Variants in UBXN2B observed in about 807,000 individuals in gnomAD.
The protein encoded by UBXN2B is UBX domain protein 2B, also known as UBX domain-containing protein 2B.
A neutral mutation model predicts 37.5 loss-of-function variants in UBXN2B; 19 were observed. The ratio of observed to expected loss-of-function variants is 0.51; its 90% CI spans 0.35 to 0.74. The LOEUF (loss-of-function observed/expected upper bound fraction) is 0.74. Among genes scored for constraint, UBXN2B ranks in the 30% least tolerant of loss-of-function variants. The pLI is 0.01. For missense variants in UBXN2B, 370 were observed against 393.2 expected (o/e 0.94, Z 0.50); for synonymous variants, 145 against 143.8 (o/e 1.01, Z -0.06).
At position 58,439,626 on chromosome 8, in the gene UBXN2B, T is replaced by C. The variant is rs200891049; in HGVS notation, c.534-7T>C. 2 of 1,588,568 alleles carry C rather than the reference T, an allele frequency of 1.3e-6. No homozygotes were observed. Among genetic ancestry groups the C allele is most frequent in the East Asian group, 4.5e-5 (2 of 44,524 alleles). On this transcript the variant is annotated splice_region_variant and splice_polypyrimidine_tract_variant and intron_variant, in intron 5 of 7. Transcript: ENST00000399598. ...TAATGATAACTTTTTTCCCCCCTTT[T>C]TAAAAGAGAGATTCCCCTGGAGCTT...
At chr8:58,436,528 T>C (rs1333697777) in intron 5 of UBXN2B, among the ~76,000 whole-genome samples, 1 of 152,128 alleles carries the variant, frequency 6.6e-6, no homozygotes, top group Non-Finnish European at 1.5e-5. Context: ...CACACCATGA[T>C]GTTTAGATGG....
intron 1 of UBXN2B, among the ~76,000 whole-genome samples, chr8:58,416,286 A>G (rs1018551041): frequency 6.6e-6 from 1 of 152,112 alleles, no homozygotes; most frequent in African/African-American, 2.4e-5. Context: ...TAGAATGTAT[A>G]ATTTGGTAAT....
intron 1 of UBXN2B, among the ~76,000 whole-genome samples, chr8:58,415,525 GA>G (rs1022744571): frequency 2.7e-5 from 4 of 150,510 alleles, no homozygotes; most frequent in East Asian, 1.9e-4. Flanking sequence ...ACTGTAGGAA[GA>G]AAAAAAAATC....
chr8:58,434,675 A>C (rs1263103763), intron 5 of UBXN2B, among the ~76,000 whole-genome samples, 171 bp downstream of exon 5: 1 of 152,172 alleles, frequency 6.6e-6, no homozygotes, highest in East Asian at 1.9e-4. Flanking sequence ...ATATACTGCT[A>C]TCTGTATGTA....
chr8:58,440,219 G>A (rs1808508579), intron 6 of UBXN2B, among the ~76,000 whole-genome samples: 1 of 152,144 alleles, frequency 6.6e-6, no homozygotes, highest in Non-Finnish European at 1.5e-5. Flanking sequence ...CAGATTACCT[G>A]GTTTCAAAGG....
At chr8:58,425,090 C>T (rs1808045161) in intron 2 of UBXN2B, 2 of 789,402 alleles carry the variant, frequency 2.5e-6, no homozygotes, top group African/African-American at 1.7e-5. Flanking sequence ...TCAATGGGCA[C>T]TCCGTGGTCC....
At chr8:58,436,079 G>A (rs989961052) in intron 5 of UBXN2B, among the ~76,000 whole-genome samples, 1 of 152,140 alleles carries the variant, frequency 6.6e-6, no homozygotes, top group Non-Finnish European at 1.5e-5. Context: ...TGACCACACA[G>A]CACACCTAAG....
intron 2 of UBXN2B, among the ~76,000 whole-genome samples, chr8:58,426,970 C>G (rs1238163206): frequency 6.6e-6 from 1 of 152,196 alleles, no homozygotes; most frequent in Non-Finnish European, 1.5e-5. Flanking sequence ...AGTTTTCTTA[C>G]CTGTAAAATA....
At chr8:58,440,362 A>G (rs777301808) in intron 6 of UBXN2B, among the ~76,000 whole-genome samples, 3 of 152,220 alleles carry the variant, frequency 2.0e-5, no homozygotes, top group Non-Finnish European at 2.9e-5. Flanking sequence ...GTGATTTTCA[A>G]TAGTTTTTAA....
At chr8:58,424,817 G>A (rs1808035541) in intron 2 of UBXN2B, 3 of 1,442,378 alleles carry the variant, frequency 2.1e-6, no homozygotes, top group Admixed American at 3.4e-5. Context: ...GTATAATGCT[G>A]GACCGCCATA....
intron 1 of UBXN2B, among the ~76,000 whole-genome samples, chr8:58,413,086 G>A (rs1208937952): frequency 6.6e-6 from 1 of 152,164 alleles, no homozygotes; most frequent in African/African-American, 2.4e-5. Flanking sequence ...TAATCCAGTG[G>A]ATCAAAGTAC....
intron 2 of UBXN2B, among the ~76,000 whole-genome samples, chr8:58,422,951 C>T (rs1359349052): frequency 1.3e-5 from 2 of 152,138 alleles, no homozygotes; most frequent in South Asian, 2.1e-4. Flanking sequence ...TGGTTGTGAC[C>T]GTCTGTTAGA....
chr8:58,447,269 A>T, intron 7 of UBXN2B, 120 bp from the exon 8 acceptor site: 1 of 908,686 alleles, frequency 1.1e-6, no homozygotes, highest in Non-Finnish European at 1.6e-6. Flanking sequence ...TATATTAAAG[A>T]AAGTTACAAC....
At chr8:58,426,702 G>A (rs1267587119) in intron 2 of UBXN2B, 5 of 696,630 alleles carry the variant, frequency 7.2e-6, no homozygotes, top group African/African-American at 1.7e-5. Context: ...CCCACATTCC[G>A]GCTCCGTGAC....
chr8:58,426,797 G>A (rs1175043045), intron 2 of UBXN2B: 17 of 599,388 alleles, frequency 2.8e-5, no homozygotes, highest in Middle Eastern at 4.4e-4. Flanking sequence ...GATGCGGGGC[G>A]GAGCCAGCCG....
chr8:58,425,341 A>G (rs756569369), intron 2 of UBXN2B: 20 of 1,153,758 alleles, frequency 1.7e-5, no homozygotes, highest in Non-Finnish European at 2.6e-5. Context: ...TTGGAATACC[A>G]TCCGCCAAAA....
chr8:58,433,322 T>C (rs1808330616), intron 4 of UBXN2B, 79 bp downstream of exon 4: 1 of 1,160,804 alleles, frequency 8.6e-7, no homozygotes, highest in East Asian at 2.4e-5. Context: ...AATTAAGAAT[T>C]GATAATACAA....
At chr8:58,427,596 T>C (rs188021552) in intron 2 of UBXN2B, among the ~76,000 whole-genome samples, 111 of 152,230 alleles carry the variant, frequency 7.3e-4, no homozygotes, top group Non-Finnish European at 1.5e-3. Flanking sequence ...AGTAAGCCAG[T>C]GGGAAAGAGG....
rs763491800 is a variant in UBXN2B at position 58,416,887 on chromosome 8, G to A, written c.122G>A (p.Cys41Tyr). 3.7e-6 allele frequency: 6 copies of A among 1,612,592 alleles called. No homozygotes were observed. The African/African-American group carries it at 5.3e-5, about 14-fold the overall frequency. ...GAATTGTATGAAGATGAAGTGAAGT[G>A]CAAATCTTCCAAGTCTAATAGACCT... The part of the protein sequence containing the change: ...LAELYEDEVK[C>Y]KSSKSNRPKA... The change falls in exon 2 of 8, where the codon TGC (cysteine) becomes TAC (tyrosine). Residue 41 changes from cysteine to tyrosine, a missense_variant. Physicochemically the swap from Cys to Tyr is radical, Grantham distance 194. This residue lies in a region of UBXN2B where 197 missense variants were observed against 170.2 expected (regional missense o/e 1.16). Coordinates refer to ENST00000399598, the MANE Select transcript of UBXN2B (RefSeq NM_001077619.2).
Sources: allele counts gnomAD v4.1 joint callset (sites outside exome capture counted in the v4.1 genomes callset), GRCh38; gene constraint gnomAD v4.1.1; regional missense constraint gnomAD v4.1.1; transcripts MANE v1.5; gene names NCBI Gene and HGNC (gene_info 2026-07-23, HGNC 2026-07-21).